Variants in ASPA observed in about 807,000 individuals in gnomAD.
ASPA encodes the protein aspartoacylase.
ASPA carries 25 observed loss-of-function variants against 29.6 expected under a neutral mutation model. The observed-to-expected ratio is 0.85, with a 90% confidence interval of 0.62 to 1.18. ASPA has a LOEUF of 1.18. Ranked by LOEUF, ASPA falls within the 50% of genes most tolerant of loss-of-function variation. ASPA has a pLI of 0.00. For synonymous variants in ASPA, 131 were observed against 130.3 expected (o/e 1.01, Z -0.04); for missense variants, 333 against 385.7 (o/e 0.86, Z 1.14).
rs940543792 is a variant in ASPA, at chr17:3,488,511, G to A, written c.527-724G>A. On this transcript the variant is annotated intron_variant, in intron 3 of 5. Coordinates refer to ENST00000263080, the MANE Select transcript of ASPA (RefSeq NM_000049.4). The surrounding 1 kb of genome is among the most constrained non-coding windows in gnomAD (Gnocchi z 6.1). Reference sequence around the variant, plus strand: ...GCCTCTACTAAAAATATAAAAATAAGCCAGGAATGGTGGCCCGTGCCTGTA... The same window carrying A: ...GCCTCTACTAAAAATATAAAAATAAACCAGGAATGGTGGCCCGTGCCTGTA... Among the ~76,000 whole-genome samples the A allele has an allele frequency of 6.6e-6, 1 of 152,088 alleles. No individual in the cohort carries two copies. The highest frequency in any genetic ancestry group is 2.4e-5 in the African/African-American group (1 of 41,408).
intron 4 of ASPA, among the ~76,000 whole-genome samples, chr17:3,491,966 T>C (rs891975157): frequency 1.0e-4 from 15 of 144,140 alleles, no homozygotes; most frequent in African/African-American, 3.6e-4. Context: ...GAGCCTCAAG[T>C]TCCTGGGCTC....
At chr17:3,478,718 T>C (rs745518710) in intron 1 of ASPA, among the ~76,000 whole-genome samples, 13 of 152,184 alleles carry the variant, frequency 8.5e-5, no homozygotes, top group Non-Finnish European at 1.8e-4. Context: ...CCCAGCGTGG[T>C]TGAAAAATTA....
chr17:3,480,467 T>A (rs1484287357), intron 1 of ASPA, among the ~76,000 whole-genome samples: 1 of 152,138 alleles, frequency 6.6e-6, no homozygotes, highest in Admixed American at 6.6e-5. Flanking sequence ...CTGAATCAGT[T>A]CCTACGTGGG....
At chr17:3,484,055 T>C (rs1273323289) in intron 3 of ASPA, among the ~76,000 whole-genome samples, 2 of 152,228 alleles carry the variant, frequency 1.3e-5, no homozygotes, top group Non-Finnish European at 2.9e-5. Flanking sequence ...AGGCTCTAAT[T>C]GTACCGAATT....
chr17:3,475,916 T>C (rs114098571), upstream of ASPA: 643 of 530,544 alleles, frequency 1.2e-3, 1 homozygote, highest in African/African-American at 0.011. Context: ...AACAGCTGTA[T>C]CTCTAGTTGA....
intron 1 of ASPA, among the ~76,000 whole-genome samples, chr17:3,480,090 C>A (rs1397430905): frequency 6.6e-6 from 1 of 152,058 alleles, no homozygotes; most frequent in African/African-American, 2.4e-5. Context: ...GGTTCCTGGA[C>A]CTCAATTAAG....
chr17:3,476,615 C>T (rs1379943855), intron 1 of ASPA, among the ~76,000 whole-genome samples: 1 of 152,060 alleles, frequency 6.6e-6, no homozygotes, highest in Non-Finnish European at 1.5e-5. Context: ...TTCTTAAGCA[C>T]CAGATTATTA....
rs764345864 is a variant in ASPA, at chr17:3,488,423, G to A, written c.527-812G>A. On this transcript the variant is annotated intron_variant, in intron 3 of 5. Transcript: ENST00000263080. This position sits in a 1 kb window ranked among gnomAD's most constrained non-coding sequence, Gnocchi z 6.1. ...TGTAATCCCAGCATTTGGGGAAGCCGAGAAGGGCAGATTACCTGCGGTCAG... is the reference window on the plus strand; with the variant it reads ...TGTAATCCCAGCATTTGGGGAAGCCAAGAAGGGCAGATTACCTGCGGTCAG... Among the ~76,000 whole-genome samples, 2 of 152,170 alleles carry A rather than the reference G, an allele frequency of 1.3e-5. No homozygotes were observed. Among genetic ancestry groups the A allele is most frequent in the Non-Finnish European group, 2.9e-5 (2 of 68,028 alleles).
rs529466257 is a variant in ASPA at position 3,498,668 on chromosome 17, G to A, written c.745-223G>A. Among the ~76,000 whole-genome samples the A allele has an allele frequency of 9.7e-4, 147 of 152,240 alleles. 2 individuals carry two copies. The highest frequency in any genetic ancestry group is 2.1e-4 in the South Asian group (1 of 4,826). The stretch of plus-strand genomic sequence containing the variant: ...TGGCTGAAGCAAATGTTAATTACAC[G>A]TTTCAATTATACAAATGCAAAGGGG... On this transcript the variant is annotated intron_variant, in intron 5 of 5. Transcript: ENST00000263080.
chr17:3,482,477 A>G (rs9916804), intron 2 of ASPA, among the ~76,000 whole-genome samples: 40,464 of 152,054 alleles, frequency 0.27, 5,842 homozygotes, highest in East Asian at 0.57. Flanking sequence ...TCCTGAGAGC[A>G]AGGATGATTG....
chr17:3,487,042 GTGTGTGTGTGTGTGTTTA>G (rs966266439), intron 3 of ASPA, among the ~76,000 whole-genome samples: 1 of 146,320 alleles, frequency 6.8e-6, no homozygotes, highest in Non-Finnish European at 1.5e-5. Context: ...TCCCATATTT[GTGTGTGTGTGTGTGTTTA>G]TGTGTGTGTG....
chr17:3,496,922 C>T (rs1026503637), intron 5 of ASPA, among the ~76,000 whole-genome samples: 8 of 152,056 alleles, frequency 5.3e-5, no homozygotes, highest in East Asian at 1.9e-4. Context: ...AAAAATTAGC[C>T]GGGCATGGTG....
intron 5 of ASPA, among the ~76,000 whole-genome samples, chr17:3,497,158 C>G (rs1216801507): frequency 6.6e-6 from 1 of 151,744 alleles, no homozygotes; most frequent in East Asian, 1.9e-4. Flanking sequence ...TTGAGTTCAC[C>G]AGGTGATTTT....
rs766971539 is a variant in ASPA at position 3,481,660 on chromosome 17, T to C, written c.294T>C (p.His98=). ...TGAGAAGGGCTCAAGAAATAAATCATTTATTTGGTCCAAAAGACAGTGAAG... is the reference window on the plus strand; with the variant it reads ...TGAGAAGGGCTCAAGAAATAAATCACTTATTTGGTCCAAAAGACAGTGAAG... ...YEVRRAQEIN[H]LFGPKDSEDS... The change falls in exon 2 of 6, where the codon CAT becomes CAC. Residue 98 remains histidine, a synonymous_variant. Transcript: ENST00000263080. 10 of 1,613,786 alleles carry C rather than the reference T, an allele frequency of 6.2e-6. No homozygotes were observed. The South Asian group carries it at 6.6e-5, about 11-fold the overall frequency.
At position 3,494,378 on chromosome 17, in the gene ASPA, G is replaced by A; in HGVS notation, c.663G>A (p.Glu221=). 3 of 1,612,254 alleles carry A rather than the reference G, an allele frequency of 1.9e-6. No homozygotes were observed. The highest frequency in any genetic ancestry group is 2.5e-6 in the Non-Finnish European group (3 of 1,178,380). The part of the protein sequence containing the change: ...EGKEFPPCAI[E]VYKIIEKVDY... The stretch of plus-strand genomic sequence containing the variant: ...AAGAATTTCCTCCCTGCGCCATTGA[G>A]GTCTATAAAATTATAGAGAAAGTTG... Residue 221 remains glutamate (E), a synonymous_variant, in exon 5 of 6, where the codon GAG becomes GAA. Transcript: ENST00000263080.
rs1401167358 is a variant in ASPA at position 3,498,983 on chromosome 17, C to G, written c.837C>G (p.Tyr279Ter). 1 of 1,614,056 alleles carries G rather than the reference C, an allele frequency of 6.2e-7. No individual in the cohort carries two copies. The highest frequency in any genetic ancestry group is 2.2e-5 in the East Asian group (1 of 44,904). ...TIPLGGDCTV[Y>*]PVFVNEAAYY... is the part of the protein sequence containing the mutation. ...CACTGGGCGGAGACTGTACCGTGTA[C>G]CCCGTGTTTGTGAATGAGGCCGCAT... is the stretch of plus-strand genomic sequence containing the variant. Residue 279 changes from tyrosine to a stop codon, truncating the protein, a stop_gained, in exon 6 of 6, where the codon TAC becomes TAG. Transcript: ENST00000263080. LOFTEE classifies it high-confidence loss of function.
rs1212749933 is a variant in ASPA, at chr17:3,476,223, G to A, written c.64G>A (p.Gly22Arg). 2 of 1,614,128 alleles carry A rather than the reference G, an allele frequency of 1.2e-6. No homozygotes were observed. Among genetic ancestry groups the A allele is most frequent in the Non-Finnish European group, 1.7e-6 (2 of 1,180,022 alleles). ...GGTTGCTATCTTTGGAGGAACCCAT[G>A]GGAATGAGCTAACCGGAGTATTTCT... ...QKVAIFGGTH[G>R]NELTGVFLVK... Residue 22 changes from glycine to arginine, a missense_variant, in exon 1 of 6, where the codon GGG becomes AGG. Physicochemically the swap from Gly to Arg is moderately radical, Grantham distance 125. Coordinates refer to ENST00000263080, the MANE Select transcript of ASPA (RefSeq NM_000049.4).
At chr17:3,478,386 AG>A (rs1454658476) in intron 1 of ASPA, among the ~76,000 whole-genome samples, 1 of 152,208 alleles carries the variant, frequency 6.6e-6, no homozygotes, top group African/African-American at 2.4e-5. Context: ...ATTATACTGC[AG>A]TCATCCTGTT....
intron 5 of ASPA, among the ~76,000 whole-genome samples, chr17:3,497,400 G>A (rs1341324371): frequency 6.6e-6 from 1 of 152,212 alleles, no homozygotes; most frequent in Non-Finnish European, 1.5e-5. Context: ...AGGGATTCGA[G>A]GAGGTGGCTG....
Sources: allele counts gnomAD v4.1 joint callset (sites outside exome capture counted in the v4.1 genomes callset), GRCh38; gene constraint gnomAD v4.1.1; non-coding constraint Gnocchi (gnomAD v3.1); transcripts MANE v1.5; gene names NCBI Gene and HGNC (gene_info 2026-07-23, HGNC 2026-07-21).